ARNT: variants seen among roughly 807,000 people sequenced by gnomAD.
ARNT encodes aryl hydrocarbon receptor nuclear translocator.
ARNT carries 30 observed loss-of-function variants against 105.0 expected under a neutral mutation model. The ratio of observed to expected loss-of-function variants is 0.29; its 90% CI spans 0.21 to 0.39. The LOEUF (loss-of-function observed/expected upper bound fraction) is 0.39. Among genes scored for constraint, ARNT ranks in the 10% least tolerant of loss-of-function variants. The pLI is 1.00. For synonymous variants in ARNT, 304 were observed against 344.0 expected (o/e 0.88, Z 1.29); for missense variants, 748 against 978.7 (o/e 0.76, Z 3.15).
At chr1:150,821,774 A>T (rs1318778160) in intron 14 of ARNT, among the ~76,000 whole-genome samples, 2 of 151,608 alleles carry the variant, frequency 1.3e-5, no homozygotes, top group African/African-American at 4.9e-5. Flanking sequence ...TTAACCTCCC[A>T]AGTAGCTGGG....
At chr1:150,875,777 T>C (rs1375522890) in intron 1 of ARNT, among the ~76,000 whole-genome samples, 2 of 152,180 alleles carry the variant, frequency 1.3e-5, no homozygotes, top group African/African-American at 4.8e-5. Context: ...TTTTTTGAAA[T>C]TGAGAAATGG....
intron 2 of ARNT, among the ~76,000 whole-genome samples, chr1:150,855,378 C>A (rs1237846072): frequency 1.3e-5 from 2 of 151,550 alleles, no homozygotes; most frequent in Non-Finnish European, 2.9e-5. Flanking sequence ...TATGGTAAAA[C>A]CCCGTCTCTA....
At chr1:150,824,071 G>A (rs985043329) in intron 13 of ARNT, among the ~76,000 whole-genome samples, 2 of 151,462 alleles carry the variant, frequency 1.3e-5, no homozygotes, top group African/African-American at 2.4e-5. Flanking sequence ...TCGATTTCCC[G>A]ACCTCGGGAT....
In ARNT at chr1:150,829,049, T is replaced by C. The variant is rs774507897; in HGVS notation, c.1167+44A>G. On this transcript the variant is annotated intron_variant, in intron 12 of 21. Transcript: ENST00000358595. The stretch of plus-strand genomic sequence containing the variant: ...ACTACATGATTACATAATGTCAACA[T>C]AGCCAAAGGAAAATGGAGGCCTAAT... The C allele has an allele frequency of 1.9e-5, 30 of 1,605,386 alleles. No individual in the cohort carries two copies. In the East Asian group the frequency reaches 3.8e-4, roughly 20 times the overall value.
intron 12 of ARNT, among the ~76,000 whole-genome samples, chr1:150,826,993 G>A (rs1451797658): frequency 1.3e-5 from 2 of 151,666 alleles, no homozygotes; most frequent in African/African-American, 4.8e-5. Context: ...TCCATCAGCT[G>A]GGGACCTGGA....
chr1:150,855,516 C>T (rs587662600), intron 2 of ARNT, among the ~76,000 whole-genome samples: 41 of 151,722 alleles, frequency 2.7e-4, no homozygotes, highest in Non-Finnish European at 4.9e-4. Context: ...GAGCCAAGAT[C>T]GCATCACCGC....
At chr1:150,831,323 C>A (rs1659326117) in intron 10 of ARNT, among the ~76,000 whole-genome samples, 1 of 152,208 alleles carries the variant, frequency 6.6e-6, no homozygotes, top group African/African-American at 2.4e-5. Flanking sequence ...TTTGATCCTG[C>A]AACCCAATCA....
At position 150,834,866 on chromosome 1, in the gene ARNT, T is replaced by C. The variant is rs936300202; in HGVS notation, c.701-226A>G. The C allele has an allele frequency of 8.5e-6, 4 of 470,260 alleles. No individual in the cohort carries two copies. The Admixed American group carries it at 9.8e-5, about 12-fold the overall frequency. The allele number at this position is 470,260 out of a possible 1,614,324, so 29.1% of individuals were successfully genotyped here. On this transcript the variant is annotated intron_variant, in intron 7 of 21. Transcript: ENST00000358595. ...TTCAAAGGCAGCATTGAAAATAACA[T>C]TGTGCAAGGAAAAGTAGGAGTGGAA...
In ARNT at chr1:150,848,077, G is replaced by A. The variant is rs141297483; in HGVS notation, c.183-1770C>T. Among the ~76,000 whole-genome samples the A allele has an allele frequency of 2.9e-3, 449 of 152,282 alleles. 4 individuals carry two copies. The highest frequency in any genetic ancestry group is 1.0e-2 in the African/African-American group (415 of 41,556). On this transcript the variant is annotated intron_variant, in intron 3 of 21. Coordinates refer to ENST00000358595, the MANE Select transcript of ARNT (RefSeq NM_001668.4). ...TAAAAAAAACTGAGGAGATAAGTGT[G>A]TGTATGCTCACACATACACATTTAT...
chr1:150,864,685 C>T (rs1329302177), intron 1 of ARNT, among the ~76,000 whole-genome samples: 21 of 147,198 alleles, frequency 1.4e-4, no homozygotes, highest in African/African-American at 1.3e-4. Context: ...GTGGGTGCAG[C>T]GCACCAGCAT....
At chr1:150,835,710 T>G (rs1165144232) in intron 7 of ARNT, among the ~76,000 whole-genome samples, 1 of 152,144 alleles carries the variant, frequency 6.6e-6, no homozygotes, top group Non-Finnish European at 1.5e-5. Context: ...CCACTTTAAA[T>G]TTTTTTCTAG....
intron 14 of ARNT, among the ~76,000 whole-genome samples, chr1:150,822,364 G>A (rs2101695704): frequency 6.6e-6 from 1 of 152,238 alleles, no homozygotes; most frequent in South Asian, 2.1e-4. Context: ...TAAAATTAGA[G>A]GGCTGGGACT....
chr1:150,865,548 C>T (rs1209381242), intron 1 of ARNT, among the ~76,000 whole-genome samples: 1 of 152,178 alleles, frequency 6.6e-6, no homozygotes, highest in Admixed American at 6.5e-5. Flanking sequence ...CTGTTTACTA[C>T]AGAGATGGAT....
chr1:150,870,928 AG>A (rs1667325662), intron 1 of ARNT, among the ~76,000 whole-genome samples: 1 of 151,450 alleles, frequency 6.6e-6, no homozygotes, highest in Non-Finnish European at 1.5e-5. Flanking sequence ...GCACTCTGGG[AG>A]GCCGAGGCAG....
At chr1:150,829,634 G>A (rs753232906) in intron 11 of ARNT, 84 of 556,742 alleles carry the variant, frequency 1.5e-4, no homozygotes, top group Non-Finnish European at 2.4e-4. Context: ...TTTGTATAGG[G>A]GCAAAGGAAA....
chr1:150,833,045 C>T (rs1659622019), intron 8 of ARNT, among the ~76,000 whole-genome samples: 1 of 152,164 alleles, frequency 6.6e-6, no homozygotes, highest in African/African-American at 2.4e-5. Flanking sequence ...TTCATAACAA[C>T]TTTATAAAGT....
intron 2 of ARNT, chr1:150,853,049 G>GGT: frequency 2.1e-6 from 1 of 480,984 alleles, no homozygotes; most frequent in Non-Finnish European, 3.8e-6. Context: ...GGAAGGCTGA[G>GGT]GTGGGTGGAT....
At chr1:150,839,221 G>A (rs587608175) in intron 6 of ARNT, among the ~76,000 whole-genome samples, 10 of 152,298 alleles carry the variant, frequency 6.6e-5, no homozygotes, top group South Asian at 6.2e-4. Context: ...CATGAGTCAA[G>A]TTCTCAAATA....
At chr1:150,855,048 A>G (rs1197749498) in intron 2 of ARNT, among the ~76,000 whole-genome samples, 1 of 152,080 alleles carries the variant, frequency 6.6e-6, no homozygotes, top group East Asian at 1.9e-4. Context: ...CTCCTACCTC[A>G]GCCTCCCAAA....
Sources: gnomAD v4.1 joint callset for allele counts (sites outside exome capture counted in the v4.1 genomes callset) on GRCh38, gnomAD v4.1.1 for gene constraint, MANE v1.5 for transcripts, NCBI Gene and HGNC (gene_info 2026-07-23, HGNC 2026-07-21) for gene names.